Variants in NKAIN2 observed in about 807,000 individuals in gnomAD.
The protein encoded by NKAIN2 is sodium/potassium-transporting ATPase subunit beta-1-interacting protein 2.
In NKAIN2, 14 loss-of-function variants were observed where a neutral mutation model predicts 32.6. The observed-to-expected ratio is 0.43, with a 90% confidence interval of 0.28 to 0.67. The LOEUF is 0.67. NKAIN2 is among the 30% of genes least tolerant of loss of function. The probability of loss-of-function intolerance (pLI) is 0.17; values close to 1 mark genes in which losing one functional copy is unlikely to be tolerated. For missense variants in NKAIN2, 198 were observed against 258.3 expected (o/e 0.77, Z 1.60); for synonymous variants, 80 against 87.2 (o/e 0.92, Z 0.46).
intron 1 of NKAIN2, among the ~76,000 whole-genome samples, chr6:124,150,945 A>G (rs1217501754): frequency 6.6e-6 from 1 of 152,160 alleles, no homozygotes; most frequent in Non-Finnish European, 1.5e-5. Flanking sequence ...GTTTGTAAGT[A>G]ACATTTGTAA....
chr6:124,771,771 T>C (rs1166700069), intron 4 of NKAIN2, among the ~76,000 whole-genome samples: 1 of 152,204 alleles, frequency 6.6e-6, no homozygotes, highest in Non-Finnish European at 1.5e-5. Context: ...AAGTGTTTAT[T>C]TCTTAGAGTA....
chr6:124,691,017 G>C (rs746185204), intron 4 of NKAIN2, among the ~76,000 whole-genome samples: 67 of 152,154 alleles, frequency 4.4e-4, no homozygotes, highest in Non-Finnish European at 1.3e-4. Context: ...AGGAATGAAG[G>C]AGGAAGGAGG....
chr6:124,709,320 C>G (rs200704116), intron 4 of NKAIN2, among the ~76,000 whole-genome samples: 1 of 149,380 alleles, frequency 6.7e-6, no homozygotes, highest in African/African-American at 2.5e-5. Flanking sequence ...TGTGTCTCTG[C>G]CAGGCTTTGG....
At chr6:124,073,724 T>G (rs1171062854) in intron 1 of NKAIN2, among the ~76,000 whole-genome samples, 1 of 152,176 alleles carries the variant, frequency 6.6e-6, no homozygotes, top group East Asian at 1.9e-4. Flanking sequence ...CTGAACCTCA[T>G]GGCCATAGGA....
intron 1 of NKAIN2, among the ~76,000 whole-genome samples, chr6:123,806,359 C>T (rs940126535): frequency 2.6e-5 from 4 of 151,910 alleles, no homozygotes; most frequent in Admixed American, 6.6e-5. Flanking sequence ...GCCATGTTAA[C>T]GCAGATGCAG....
rs551460476 is a variant in NKAIN2 at position 123,839,908 on chromosome 6, A to G, written c.54+35654A>G. ...ACATGCTTCAAATGTCAAGAAAACA[A>G]TATACAAAGCAAAACTCTTAACAGC... On this transcript the variant is annotated intron_variant, in intron 1 of 6. Coordinates refer to ENST00000368417, the MANE Select transcript of NKAIN2 (RefSeq NM_001040214.3). 9.9e-5 allele frequency among the ~76,000 whole-genome samples: 15 copies of G among 152,254 alleles called. No individual in the cohort carries two copies. The South Asian group carries it at 3.1e-3, about 32-fold the overall frequency.
At chr6:124,061,426 T>C (rs1457598452) in intron 1 of NKAIN2, among the ~76,000 whole-genome samples, 6 of 152,168 alleles carry the variant, frequency 3.9e-5, no homozygotes, top group Non-Finnish European at 7.4e-5. Context: ...AATTTTTCTC[T>C]TTCTCTATAT....
At chr6:124,664,779 G>A (rs1395991970) in intron 4 of NKAIN2, among the ~76,000 whole-genome samples, 1 of 96,562 alleles carries the variant, frequency 1.0e-5, no homozygotes, top group Non-Finnish European at 1.8e-5. Context: ...GGGCGACAGA[G>A]CGAGACTCCG....
At chr6:124,124,479 T>G (rs1786059164) in intron 1 of NKAIN2, among the ~76,000 whole-genome samples, 1 of 152,150 alleles carries the variant, frequency 6.6e-6, no homozygotes, top group African/African-American at 2.4e-5. Context: ...CAGATTAATA[T>G]AGCTACTTCT....
chr6:124,510,383 A>T (rs1005465210), intron 3 of NKAIN2, among the ~76,000 whole-genome samples: 1 of 152,234 alleles, frequency 6.6e-6, no homozygotes, highest in South Asian at 2.1e-4. Context: ...AAAACCTTTA[A>T]TGCTATGTTA....
chr6:123,816,083 A>C (rs1488815716), intron 1 of NKAIN2, among the ~76,000 whole-genome samples: 1 of 152,178 alleles, frequency 6.6e-6, no homozygotes, highest in Admixed American at 6.5e-5. Context: ...CTATAGCTAG[A>C]GATTGCAAAA....
intron 1 of NKAIN2, among the ~76,000 whole-genome samples, chr6:124,204,568 G>A (rs190508612): frequency 6.6e-6 from 1 of 151,776 alleles, no homozygotes; most frequent in South Asian, 2.1e-4. Flanking sequence ...TATTTGGACG[G>A]TTAAGTGGTC....
At chr6:124,346,045 G>T (rs540926982) in intron 2 of NKAIN2, among the ~76,000 whole-genome samples, 1 of 151,888 alleles carries the variant, frequency 6.6e-6, no homozygotes, top group Non-Finnish European at 1.5e-5. Flanking sequence ...CTTTGTTCTC[G>T]TTGGTTTCAA....
At chr6:124,570,816 G>T (rs1012353628) in intron 3 of NKAIN2, among the ~76,000 whole-genome samples, 3 of 152,106 alleles carry the variant, frequency 2.0e-5, no homozygotes, top group African/African-American at 7.2e-5. Flanking sequence ...TGAGAAGAGG[G>T]CCACCATCCT....
chr6:124,306,612 CAAATGAAATAGGTACCAGATCACTCTA>C (rs1482387530), intron 2 of NKAIN2, among the ~76,000 whole-genome samples: 1 of 152,036 alleles, frequency 6.6e-6, no homozygotes, highest in Admixed American at 6.6e-5. Flanking sequence ...CTTAAAAGTG[CAAATGAAATAGGTACCAGATCACTCTA>C]ATACCCAGCT....
intron 1 of NKAIN2, 150 bp downstream of exon 1, chr6:123,804,404 G>C: frequency 1.4e-6 from 1 of 720,818 alleles, no homozygotes; most frequent in Middle Eastern, 2.4e-4. Context: ...GATGATTTCA[G>C]GGAGACGCAC....
intron 3 of NKAIN2, among the ~76,000 whole-genome samples, chr6:124,598,587 A>G (rs1782185683): frequency 1.3e-5 from 2 of 152,050 alleles, no homozygotes; most frequent in African/African-American, 2.4e-5. Context: ...TAACTTCAGT[A>G]AGCTTGGAAG....
intron 1 of NKAIN2, among the ~76,000 whole-genome samples, chr6:124,201,493 AATGT>A (rs1790584286): frequency 6.6e-6 from 1 of 151,974 alleles, no homozygotes. Context: ...ATAATTTTAA[AATGT>A]AGTTATGTTT....
At chr6:124,422,730 C>G (rs547756927) in intron 3 of NKAIN2, among the ~76,000 whole-genome samples, 1 of 152,346 alleles carries the variant, frequency 6.6e-6, no homozygotes, top group African/African-American at 2.4e-5. Context: ...CTTTATTTTA[C>G]TATTCTCAAC....
Sources: gnomAD v4.1 joint callset for allele counts (sites outside exome capture counted in the v4.1 genomes callset) on GRCh38, gnomAD v4.1.1 for gene constraint, MANE v1.5 for transcripts, NCBI Gene and HGNC (gene_info 2026-07-23, HGNC 2026-07-21) for gene names.